DENND2A: variants seen among roughly 807,000 people sequenced by gnomAD.
DENND2A encodes the protein DENN domain-containing protein 2A.
DENND2A carries 53 observed loss-of-function variants against 105.3 expected under a neutral mutation model. The ratio of observed to expected loss-of-function variants is 0.50; its 90% CI spans 0.40 to 0.63. The LOEUF (loss-of-function observed/expected upper bound fraction) is 0.63, where lower values mean the gene tolerates loss of function less well. Among genes scored for constraint, DENND2A ranks in the 30% least tolerant of loss-of-function variants. The pLI, the probability that DENND2A is intolerant of heterozygous loss-of-function variation, is 0.00. For synonymous variants in DENND2A, 522 were observed against 508.4 expected (o/e 1.03, Z -0.36); for missense variants, 1,138 against 1,279.6 (o/e 0.89, Z 1.69).
At chr7:140,606,853 G>T (rs1799705833) in intron 1 of DENND2A, among the ~76,000 whole-genome samples, 1 of 152,188 alleles carries the variant, frequency 6.6e-6, no homozygotes, top group African/African-American at 2.4e-5. Flanking sequence ...ATAAACTGAA[G>T]TAACTGATTA....
At chr7:140,585,861 A>C (rs1406391832) in intron 4 of DENND2A, 151 bp from the exon 5 acceptor site, 1 of 1,102,954 alleles carries the variant, frequency 9.1e-7, no homozygotes, top group Non-Finnish European at 1.3e-6. Flanking sequence ...TGTTGGCAGC[A>C]GTCTCTGATT....
chr7:140,572,744 ACT>A (rs1798144494), intron 6 of DENND2A, among the ~76,000 whole-genome samples: 1 of 139,068 alleles, frequency 7.2e-6, no homozygotes, highest in South Asian at 2.4e-4. Context: ...ACAGAGTGAA[ACT>A]CTGTCAAAAA....
Position 140,602,197 on chromosome 7 carries a change from T to C in DENND2A, c.201A>G (p.Arg67=). 1 of 1,614,160 alleles carries C rather than the reference T, an allele frequency of 6.2e-7. No homozygotes were observed. The highest frequency in any genetic ancestry group is 1.1e-5 in the South Asian group (1 of 91,076). The change falls in exon 3 of 20, where the codon AGA becomes AGG. Residue 67 remains arginine (R), a synonymous_variant. Transcript: ENST00000496613. ...GCAGATAATCCTCCTGTCCGTCTGC[T>C]CTCCTGCTGGGTGCAGGAGTGGGCA... ...KEVPTPAPSR[R]ADGQEDYLPS... is the part of the protein sequence containing the mutation.
At chr7:140,631,771 C>T (rs1019012170) in intron 1 of DENND2A, among the ~76,000 whole-genome samples, 3 of 152,188 alleles carry the variant, frequency 2.0e-5, no homozygotes, top group Admixed American at 2.0e-4. Flanking sequence ...CAAATCTCAT[C>T]TGCAGCTCAG....
At chr7:140,558,058 C>T (rs759384285) in intron 11 of DENND2A, 85 bp downstream of exon 11, 33 of 1,097,062 alleles carry the variant, frequency 3.0e-5, no homozygotes, top group African/African-American at 1.2e-4. Context: ...CTCAGTCTCA[C>T]GGGACTGGGA....
chr7:140,544,434 A>T (rs1281091476), intron 14 of DENND2A, 184 bp downstream of exon 14: 1 of 725,544 alleles, frequency 1.4e-6, no homozygotes, highest in African/African-American at 1.7e-5. Context: ...GTCTCAAGTG[A>T]TCCACCCACC....
At chr7:140,528,632 A>G (rs1455566718) in intron 14 of DENND2A, among the ~76,000 whole-genome samples, 2 of 152,094 alleles carry the variant, frequency 1.3e-5, no homozygotes, top group East Asian at 1.9e-4. Flanking sequence ...TTAGCCAGGC[A>G]TGGTGTACGC....
chr7:140,589,950 A>G (rs1231942580), intron 3 of DENND2A, among the ~76,000 whole-genome samples: 1 of 152,216 alleles, frequency 6.6e-6, no homozygotes, highest in Non-Finnish European at 1.5e-5. Flanking sequence ...CAATATTTGT[A>G]TAGGTCAAAT....
At chr7:140,607,575 G>A (rs963160022) in intron 1 of DENND2A, among the ~76,000 whole-genome samples, 3 of 152,150 alleles carry the variant, frequency 2.0e-5, no homozygotes, top group Non-Finnish European at 4.4e-5. Context: ...CCCAGGGCTT[G>A]CCCATCCCGT....
At chr7:140,552,582 G>C (rs536220730) in intron 12 of DENND2A, among the ~76,000 whole-genome samples, 1 of 151,990 alleles carries the variant, frequency 6.6e-6, no homozygotes, top group Non-Finnish European at 1.5e-5. Flanking sequence ...ATTTTTTGTA[G>C]AGACAGGGTT....
At chr7:140,595,132 G>A (rs1033700216) in intron 3 of DENND2A, among the ~76,000 whole-genome samples, 10 of 151,970 alleles carry the variant, frequency 6.6e-5, no homozygotes, top group Non-Finnish European at 1.0e-4. Flanking sequence ...TCAGCCTCCC[G>A]AGGAGCTGGA....
chr7:140,597,549 T>A (rs1799328612), intron 3 of DENND2A, among the ~76,000 whole-genome samples: 1 of 152,222 alleles, frequency 6.6e-6, no homozygotes. Flanking sequence ...TGAAACCATA[T>A]TCAAACTGGC....
chr7:140,574,082 G>T, intron 5 of DENND2A, 74 bp from the exon 6 acceptor site: 1 of 1,536,848 alleles, frequency 6.5e-7, no homozygotes. Flanking sequence ...GGTGGTGCCA[G>T]GGACGAGACA....
chr7:140,537,375 T>A (rs1796487963), intron 14 of DENND2A, among the ~76,000 whole-genome samples: 1 of 152,248 alleles, frequency 6.6e-6, no homozygotes, highest in African/African-American at 2.4e-5. Context: ...ATCCTACTTA[T>A]CACTAGCCAG....
In DENND2A at chr7:140,572,872, G is replaced by C. The variant is rs1389370240; in HGVS notation, c.1446+936C>G. Among the ~76,000 whole-genome samples the C allele has an allele frequency of 2.6e-5, 4 of 151,930 alleles. No individual in the cohort carries two copies. The East Asian group carries it at 7.7e-4, about 29-fold the overall frequency. Reference sequence around the variant, plus strand: ...TAAAGACACTCTAAAAACAGCAGGTGCACAAAGGGCGCTCTGACCTTCCCT... The same window carrying C: ...TAAAGACACTCTAAAAACAGCAGGTCCACAAAGGGCGCTCTGACCTTCCCT... On this transcript the variant is annotated intron_variant, in intron 6 of 19. Transcript: ENST00000496613.
At chr7:140,596,835 A>G (rs1799304530) in intron 3 of DENND2A, among the ~76,000 whole-genome samples, 1 of 152,236 alleles carries the variant, frequency 6.6e-6, no homozygotes, top group Non-Finnish European at 1.5e-5. Flanking sequence ...GCTCACACTT[A>G]AAGAGTAGTA....
intron 14 of DENND2A, among the ~76,000 whole-genome samples, chr7:140,531,248 G>A (rs953733748): frequency 6.6e-6 from 1 of 152,154 alleles, no homozygotes; most frequent in Admixed American, 6.5e-5. Flanking sequence ...ACTAATCTAT[G>A]TTGATGCGTG....
rs1483505365 is a variant in DENND2A, at chr7:140,608,058, A to G, written c.-247-2252T>C. ...AGTACAGCTTTTCCAAAAGGAAAAA[A>G]GGCCACTGTGTCGAATGCACAGAGA... On this transcript the variant is annotated intron_variant, in intron 1 of 19. Coordinates refer to ENST00000496613, the MANE Select transcript of DENND2A (RefSeq NM_015689.5). Among the ~76,000 whole-genome samples, 3 of 152,364 alleles carry G rather than the reference A, an allele frequency of 2.0e-5. No homozygotes were observed. In the East Asian group the frequency reaches 5.8e-4, roughly 29 times the overall value.
intron 7 of DENND2A, among the ~76,000 whole-genome samples, chr7:140,569,088 C>T (rs973382557): frequency 2.0e-5 from 3 of 152,086 alleles, no homozygotes; most frequent in South Asian, 2.1e-4. Flanking sequence ...CCATGCCTGG[C>T]TAATTTTTCT....
Sources: allele counts gnomAD v4.1 joint callset (sites outside exome capture counted in the v4.1 genomes callset), GRCh38; gene constraint gnomAD v4.1.1; transcripts MANE v1.5; gene names NCBI Gene and HGNC (gene_info 2026-07-23, HGNC 2026-07-21).